IL31RA: variants seen among roughly 807,000 people sequenced by gnomAD.
IL31RA encodes the protein interleukin-31 receptor subunit alpha.
Under a neutral mutation model 83.7 loss-of-function variants are expected in IL31RA, and 66 were observed. That is an observed-to-expected ratio of 0.79 (90% CI 0.65 to 0.97). The LOEUF (loss-of-function observed/expected upper bound fraction) is 0.97, where lower values mean the gene tolerates loss of function less well. IL31RA is among the 50% of genes least tolerant of loss of function. The pLI, the probability that IL31RA is intolerant of heterozygous loss-of-function variation, is 0.00. For synonymous variants in IL31RA, 325 were observed against 329.0 expected, an observed-to-expected ratio of 0.99 and a Z score of 0.13; for missense variants, 798 against 919.4, an observed-to-expected ratio of 0.87 and a Z score of 1.71.
Position 55,917,909 on chromosome 5 carries a change from G to T in IL31RA, c.*789G>T, listed in dbSNP as rs1036480721. Among the ~76,000 whole-genome samples, 5 of 152,198 alleles carry T rather than the reference G, an allele frequency of 3.3e-5. No homozygotes were observed. Among genetic ancestry groups the T allele is most frequent in the African/African-American group, 7.2e-5 (3 of 41,440 alleles). On this transcript the variant is annotated 3_prime_UTR_variant, in exon 15 of 15. Transcript: ENST00000652347. ...GAGCAGAAAGGCACCTGACATTGCA[G>T]TGGTTGTCATATAGGGACGCTGGCC...
chr5:55,901,414 G>A (rs1748792963), intron 8 of IL31RA, among the ~76,000 whole-genome samples: 1 of 151,982 alleles, frequency 6.6e-6, no homozygotes, highest in Non-Finnish European at 1.5e-5. Flanking sequence ...TCAAATCTTT[G>A]CTCTTCCACA....
chr5:55,852,666 G>A (rs200532608), intron 1 of IL31RA, among the ~76,000 whole-genome samples: 67 of 152,150 alleles, frequency 4.4e-4, no homozygotes, highest in East Asian at 2.5e-3. Flanking sequence ...TCTCTTCCCC[G>A]GTCTATTTAT....
At chr5:55,890,281 C>T (rs749550703) in intron 6 of IL31RA, 146 bp downstream of exon 6, 18 of 742,714 alleles carry the variant, frequency 2.4e-5, no homozygotes, top group Non-Finnish European at 4.3e-5. Flanking sequence ...AGTGAGCCTG[C>T]ACAACTTTGT....
chr5:55,896,566 C>T lies in IL31RA; in HGVS notation c.852+137C>T, dbSNP rs1580716748. 6.8e-5 allele frequency: 34 copies of T among 501,454 alleles called. No individual in the cohort carries two copies. In the Middle Eastern group the frequency reaches 1.5e-3, roughly 22 times the overall value. 31.1% of individuals were successfully genotyped at this position (501,454 alleles called of 1,614,324 possible). On this transcript the variant is annotated intron_variant, in intron 7 of 14. Coordinates refer to ENST00000652347, the MANE Select transcript of IL31RA (RefSeq NM_139017.7). ...CTTCCCTTCCCTCCCCTCCCCTCCC[C>T]TCCCCTCCCTTCCCCCCACCTTCCC...
At chr5:55,860,225 C>T (rs542006125) in intron 2 of IL31RA, among the ~76,000 whole-genome samples, 181 of 152,084 alleles carry the variant, frequency 1.2e-3, no homozygotes, top group Non-Finnish European at 1.9e-3. Flanking sequence ...AAAAATTAAC[C>T]GAGTATGGTG....
At chr5:55,910,057 G>A (rs1749408165) in intron 11 of IL31RA, among the ~76,000 whole-genome samples, 1 of 151,958 alleles carries the variant, frequency 6.6e-6, no homozygotes, top group Admixed American at 6.6e-5. Context: ...TTTTTCTTAT[G>A]TTTAAATTGG....
chr5:55,896,562 TC>T, intron 7 of IL31RA, 133 bp downstream of exon 7: 2 of 410,294 alleles, frequency 4.9e-6, no homozygotes, highest in Non-Finnish European at 8.7e-6. Flanking sequence ...TCCCCTCCCC[TC>T]CCCTCCCCTC....
chr5:55,852,089 T>G, intron 1 of IL31RA: 1 of 188,718 alleles, frequency 5.3e-6, no homozygotes, highest in Non-Finnish European at 1.1e-5. Flanking sequence ...ATTGGTTGAA[T>G]AAATTCAAGA....
At chr5:55,853,575 C>T (rs940031946) in intron 1 of IL31RA, 12 of 1,549,730 alleles carry the variant, frequency 7.7e-6, no homozygotes, top group African/African-American at 1.4e-5. Flanking sequence ...AAGGTGAGTG[C>T]TAATTCATTT....
At chr5:55,861,816 G>C (rs1026540700) in intron 2 of IL31RA, among the ~76,000 whole-genome samples, 3 of 152,044 alleles carry the variant, frequency 2.0e-5, no homozygotes, top group Non-Finnish European at 2.9e-5. Context: ...TACAAAACTG[G>C]CTCCAATATC....
In IL31RA at chr5:55,921,387, A is replaced by G. The variant is rs1750083544; in HGVS notation, c.*4267A>G. Among the ~76,000 whole-genome samples the G allele has an allele frequency of 6.6e-6, 1 of 152,242 alleles. No homozygotes were observed. Among genetic ancestry groups the G allele is most frequent in the African/African-American group, 2.4e-5 (1 of 41,470 alleles). On this transcript the variant is annotated 3_prime_UTR_variant, in exon 15 of 15. Coordinates refer to ENST00000652347, the MANE Select transcript of IL31RA (RefSeq NM_139017.7). ...ATGAAAAACCCCATGGCGGGCCTGCATGGTGTGGTTTGCTAAGGCATCCCT... is the reference window on the plus strand; with the variant it reads ...ATGAAAAACCCCATGGCGGGCCTGCGTGGTGTGGTTTGCTAAGGCATCCCT...
intron 7 of IL31RA, among the ~76,000 whole-genome samples, chr5:55,897,559 A>G (rs1357874500): frequency 6.6e-6 from 1 of 152,170 alleles, no homozygotes; most frequent in Non-Finnish European, 1.5e-5. Context: ...CATATATGGC[A>G]CATGTGTGTT....
chr5:55,861,394 A>G (rs1190126478), intron 2 of IL31RA, among the ~76,000 whole-genome samples: 1 of 152,196 alleles, frequency 6.6e-6, no homozygotes, highest in East Asian at 1.9e-4. Flanking sequence ...GCCTCCTGTC[A>G]AATCAGCAGC....
At chr5:55,842,738 T>C in the IL31RA span, among the ~76,000 whole-genome samples, 10,882 of 152,266 alleles carry the variant, frequency 0.071, 612 homozygotes, top group African/African-American at 0.16. Context: ...GGGCCTGTTC[T>C]TTACTCAGTT....
chr5:55,855,528 A>G (rs1252418916), intron 1 of IL31RA, among the ~76,000 whole-genome samples: 3 of 152,160 alleles, frequency 2.0e-5, no homozygotes, highest in East Asian at 3.9e-4. Context: ...GTAGTGGTAC[A>G]TTCTTGTACA....
chr5:55,884,942 CTT>C lies in IL31RA; in HGVS notation c.606+1751_606+1752del, dbSNP rs142628151. Among the ~76,000 whole-genome samples, 503 of 152,254 alleles carry C rather than the reference CTT, an allele frequency of 3.3e-3. 6 individuals are homozygous for C. The highest frequency in any genetic ancestry group is 0.012 in the African/African-American group (490 of 41,552). On this transcript the variant is annotated intron_variant, in intron 5 of 14. Transcript: ENST00000652347. Reference sequence around the variant, plus strand: ...TTGGTCACCCAAAACTTATGATTAACTTTTTACTTTTTAACTTTTCAGTATCC... The same window carrying C: ...TTGGTCACCCAAAACTTATGATTAACTTTACTTTTTAACTTTTCAGTATCC...
At chr5:55,854,454 A>T (rs1323168043) in intron 1 of IL31RA, among the ~76,000 whole-genome samples, 2 of 152,222 alleles carry the variant, frequency 1.3e-5, no homozygotes, top group Non-Finnish European at 2.9e-5. Flanking sequence ...ATAAAATTTA[A>T]AATATGCAGG....
rs11955835 is a variant in IL31RA at position 55,920,754 on chromosome 5, C to A, written c.*3634C>A. ...TGAATTTCTGACCAAATAAGGACTG[C>A]CCTCTTTGAAGGGTGCACACACACT... On this transcript the variant is annotated 3_prime_UTR_variant, in exon 15 of 15. Transcript: ENST00000652347. Among the ~76,000 whole-genome samples, 27,606 of 152,154 alleles carry A rather than the reference C, an allele frequency of 0.18. 3,040 individuals carry two copies. The highest frequency in any genetic ancestry group is 0.25 in the South Asian group (1,192 of 4,826).
intron 7 of IL31RA, 74 bp downstream of exon 7, chr5:55,896,503 T>TC: frequency 1.3e-6 from 1 of 740,976 alleles, no homozygotes; most frequent in Non-Finnish European, 2.2e-6. Flanking sequence ...CTCCCTTCCC[T>TC]CCCTTCCATC....
Sources: gnomAD v4.1 joint callset for allele counts (sites outside exome capture counted in the v4.1 genomes callset) on GRCh38, gnomAD v4.1.1 for gene constraint, MANE v1.5 for transcripts, NCBI Gene and HGNC (gene_info 2026-07-23, HGNC 2026-07-21) for gene names.